PCDHGB4: variants seen among roughly 807,000 people sequenced by gnomAD.
The protein encoded by PCDHGB4 is protocadherin gamma subfamily B, 4.
Under a neutral mutation model 60.5 loss-of-function variants are expected in PCDHGB4, and 38 were observed. The observed-to-expected ratio is 0.63, with a 90% CI of 0.48 to 0.82. The LOEUF (loss-of-function observed/expected upper bound fraction) is 0.82, where lower values mean the gene tolerates loss of function less well. Among genes scored for constraint, PCDHGB4 ranks in the 40% least tolerant of loss-of-function variants. The pLI, the probability that PCDHGB4 is intolerant of heterozygous loss-of-function variation, is 0.00. For missense variants in PCDHGB4, 1,109 were observed against 1,209.6 expected, an observed-to-expected ratio of 0.92 and a Z score of 1.23; for synonymous variants, 456 against 509.7, an observed-to-expected ratio of 0.89 and a Z score of 1.42.
chr5:141,415,076 G>A (rs772523894), intron 1 of PCDHGB4: 3 of 1,613,462 alleles, frequency 1.9e-6, no homozygotes, highest in South Asian at 1.1e-5. Context: ...CGCACGGCGC[G>A]AGCCCTGCTG....
intron 1 of PCDHGB4, chr5:141,404,839 T>C: frequency 6.2e-7 from 1 of 1,613,458 alleles, no homozygotes; most frequent in Non-Finnish European, 8.5e-7. Context: ...TGCGCACAGC[T>C]CGGGCCCTGC....
intron 1 of PCDHGB4, among the ~76,000 whole-genome samples, chr5:141,447,135 G>GT (rs905717632): frequency 9.9e-5 from 15 of 151,698 alleles, no homozygotes; most frequent in African/African-American, 3.4e-4. Flanking sequence ...TTGTTTGTTT[G>GT]TTTTTTGTTT....
intron 1 of PCDHGB4, chr5:141,468,497 C>T (rs1033597673): frequency 2.0e-5 from 3 of 152,074 alleles, no homozygotes; most frequent in Non-Finnish European, 4.4e-5. Context: ...GGAAGATTTT[C>T]ATGTGGACAA....
intron 1 of PCDHGB4, chr5:141,421,442 A>G (rs769354611): frequency 1.7e-5 from 27 of 1,613,990 alleles, no homozygotes; most frequent in Non-Finnish European, 2.2e-5. Context: ...TCCAGAGGGA[A>G]GACACAGCTT....
rs183549806 is a variant in PCDHGB4 at position 141,487,760 on chromosome 5, G to A, written c.2398-7047G>A. ...TGTAAGAGGTAACTATGTGGTAGAC[G>A]CTGTGCTTTGTAACTGTTTCGTGAA... On this transcript the variant is annotated intron_variant, in intron 1 of 3. Transcript: ENST00000519479. The surrounding 1 kb of genome is among the most constrained non-coding windows in gnomAD (Gnocchi z 5.0). 42 of 1,545,950 alleles carry A rather than the reference G, an allele frequency of 2.7e-5. No homozygotes were observed. The African/African-American group carries it at 3.8e-4, about 14-fold the overall frequency.
intron 1 of PCDHGB4, among the ~76,000 whole-genome samples, chr5:141,470,537 A>G (rs189730495): frequency 1.3e-5 from 2 of 152,256 alleles, no homozygotes; most frequent in Non-Finnish European, 2.9e-5. Context: ...TGTATCAGGT[A>G]ATATTTATTG....
chr5:141,409,033 A>C, intron 1 of PCDHGB4: 1 of 1,614,028 alleles, frequency 6.2e-7, no homozygotes, highest in South Asian at 1.1e-5. Context: ...ATGCTGAGAT[A>C]AACTACTACT....
Position 141,487,931 on chromosome 5 carries a change from G to A in PCDHGB4, c.2398-6876G>A. The stretch of plus-strand genomic sequence containing the variant: ...AGCACAGGAGGCTACAGTGCACAGG[G>A]TACAGTGCACCAGGCAGTCACTTGG... On this transcript the variant is annotated intron_variant, in intron 1 of 3. Transcript: ENST00000519479. The surrounding 1 kb of genome is among the most constrained non-coding windows in gnomAD (Gnocchi z 5.0). The A allele has an allele frequency of 1.6e-6, 1 of 612,954 alleles. No homozygotes were observed. The highest frequency in any genetic ancestry group is 2.8e-6 in the Non-Finnish European group (1 of 351,318). 38.0% of individuals were successfully genotyped at this position (612,954 alleles called of 1,614,324 possible). A position where few individuals can be genotyped will look rare whatever the true frequency, so the allele number is the denominator to read the frequency against.
chr5:141,433,299 T>G, intron 1 of PCDHGB4: 1 of 995,012 alleles, frequency 1.0e-6, no homozygotes, highest in Non-Finnish European at 1.5e-6. Flanking sequence ...GCTCAAGCAA[T>G]TATCCCACCT....
chr5:141,427,103 G>A (rs1216465844), intron 1 of PCDHGB4: 3 of 457,888 alleles, frequency 6.6e-6, no homozygotes, highest in Non-Finnish European at 1.3e-5. Flanking sequence ...GTGTCAATGC[G>A]GAGATCACCT....
chr5:141,472,852 G>A (rs1354948628), intron 1 of PCDHGB4, among the ~76,000 whole-genome samples: 1 of 151,160 alleles, frequency 6.6e-6, no homozygotes, highest in African/African-American at 2.4e-5. Flanking sequence ...TGGGCATGGT[G>A]GCACATGCCT....
intron 1 of PCDHGB4, chr5:141,398,830 G>A: frequency 6.2e-7 from 1 of 1,613,946 alleles, no homozygotes; most frequent in Non-Finnish European, 8.5e-7. Flanking sequence ...GGTAACCGAC[G>A]CCAATGATAA....
chr5:141,404,739 G>A, intron 1 of PCDHGB4: 1 of 1,614,092 alleles, frequency 6.2e-7, no homozygotes, highest in Non-Finnish European at 8.5e-7. Flanking sequence ...GCAGTGGACA[G>A]AGACTCAGGC....
intron 3 of PCDHGB4, among the ~76,000 whole-genome samples, chr5:141,506,429 A>G (rs1406730781): frequency 7.0e-6 from 1 of 143,144 alleles, no homozygotes; most frequent in Non-Finnish European, 1.5e-5. Flanking sequence ...CCTGGGCAAC[A>G]GTCTCGCTCT....
At position 141,476,689 on chromosome 5, in the gene PCDHGB4, C is replaced by A; in HGVS notation, c.2398-18118C>A. Reference sequence around the variant, plus strand: ...GCGTGCAGACGCGGGAGGACAGCACCAAGTACGCGGAGCTGGTGTTGGAGC... The same window carrying A: ...GCGTGCAGACGCGGGAGGACAGCACAAAGTACGCGGAGCTGGTGTTGGAGC... On this transcript the variant is annotated intron_variant, in intron 1 of 3. Transcript: ENST00000519479. The surrounding 1 kb of genome is among the most constrained non-coding windows in gnomAD (Gnocchi z 7.6). The A allele has an allele frequency of 1.9e-6, 3 of 1,614,226 alleles. No homozygotes were observed. Among genetic ancestry groups the A allele is most frequent in the Non-Finnish European group, 2.5e-6 (3 of 1,180,046 alleles).
intron 1 of PCDHGB4, among the ~76,000 whole-genome samples, chr5:141,442,700 TA>T (rs2098337605): frequency 6.6e-6 from 1 of 152,198 alleles, no homozygotes; most frequent in Non-Finnish European, 1.5e-5. Flanking sequence ...CAGACAAGAG[TA>T]TCAGACATGC....
intron 1 of PCDHGB4, chr5:141,394,008 G>A: frequency 1.2e-6 from 2 of 1,613,330 alleles, no homozygotes; most frequent in South Asian, 2.2e-5. Context: ...AAAGTCAATA[G>A]GTAATTATTA....
chr5:141,443,820 T>C (rs1329478151), intron 1 of PCDHGB4, among the ~76,000 whole-genome samples: 1 of 151,986 alleles, frequency 6.6e-6, no homozygotes. Flanking sequence ...TTGGAAAACA[T>C]AATTAGGTAA....
rs2099748976 is a variant in PCDHGB4, at chr5:141,493,566, C to G, written c.2398-1241C>G. Among the ~76,000 whole-genome samples, 1 of 152,168 alleles carries G rather than the reference C, an allele frequency of 6.6e-6. No individual in the cohort carries two copies. Among genetic ancestry groups the G allele is most frequent in the African/African-American group, 2.4e-5 (1 of 41,436 alleles). ...TTTTGGAGATTGAGTTCCCCCAGCT[C>G]CGTTTCCTCCTATCACAATCACTGC... is the stretch of plus-strand genomic sequence containing the variant. On this transcript the variant is annotated intron_variant, in intron 1 of 3. Transcript: ENST00000519479. The surrounding 1 kb of genome is among the most constrained non-coding windows in gnomAD (Gnocchi z 4.3).
Sources: gnomAD v4.1 joint callset for allele counts (sites outside exome capture counted in the v4.1 genomes callset) on GRCh38, gnomAD v4.1.1 for gene constraint, Gnocchi (gnomAD v3.1) non-coding constraint, MANE v1.5 for transcripts, NCBI Gene and HGNC (gene_info 2026-07-23, HGNC 2026-07-21) for gene names.